The following PIK3C2B variants were observed in gnomAD, a reference collection of about 807,000 sequenced individuals.
PIK3C2B encodes the protein phosphatidylinositol 4-phosphate 3-kinase C2 domain-containing subunit beta.
PIK3C2B carries 83 observed loss-of-function variants against 184.3 expected under a neutral mutation model. That is an observed-to-expected ratio of 0.45 (90% CI 0.38 to 0.54). The LOEUF is 0.54. Ranked by LOEUF, PIK3C2B falls within the 20% of genes least tolerant of loss-of-function variation. The pLI, the probability that PIK3C2B is intolerant of heterozygous loss-of-function variation, is 0.00. For missense variants in PIK3C2B, 1,736 were observed against 2,113.5 expected (o/e 0.82, Z 3.50); for synonymous variants, 779 against 837.6 (o/e 0.93, Z 1.21).
At chr1:204,464,396 A>AT in intron 4 of PIK3C2B, 54 bp downstream of exon 4, 1 of 1,539,794 alleles carries the variant, frequency 6.5e-7, no homozygotes, top group Non-Finnish European at 8.9e-7. Context: ...AAACACAGTC[A>AT]TCCCCACCCC....
intron 1 of PIK3C2B, among the ~76,000 whole-genome samples, chr1:204,474,362 G>A (rs1656549721): frequency 6.6e-6 from 1 of 152,050 alleles, no homozygotes; most frequent in Admixed American, 6.5e-5. Flanking sequence ...GACTACACCT[G>A]ATGTTTCCAA....
intron 23 of PIK3C2B, among the ~76,000 whole-genome samples, chr1:204,436,734 CAT>C (rs1469265963): frequency 6.6e-6 from 1 of 152,134 alleles, no homozygotes; most frequent in Non-Finnish European, 1.5e-5. Flanking sequence ...TACATTTACA[CAT>C]ATATGACTAT....
In PIK3C2B at chr1:204,424,894, G is replaced by A. The variant is rs114464486; in HGVS notation, c.4863C>T (p.Thr1621=). 2.6e-4 allele frequency: 420 copies of A among 1,614,172 alleles called. 1 individual carries two copies. In the African/African-American group the frequency reaches 4.7e-3, roughly 18 times the overall value. The change falls in exon 33 of 33, where the codon ACC becomes ACT. Residue 1621 remains threonine, a synonymous_variant. Transcript: ENST00000684373. ...LRELDLAQEK[T]GWFALGSRSH... ...TTCGAGATCCCAGGGCGAACCAGCC[G>A]GTCTTCTCCTGAGCCAGGTCCAGCT...
rs1328394639 is a variant in PIK3C2B, at chr1:204,465,209, T to C, written c.1034+10A>G. On this transcript the variant is annotated intron_variant, in intron 3 of 32. Transcript: ENST00000684373. ...CCCTCCCAAATCCCACCCCATTCTT[T>C]AACTCTTACATATCCAGCATGTGGC... The C allele has an allele frequency of 2.0e-6, 3 of 1,483,764 alleles. No individual in the cohort carries two copies. Among genetic ancestry groups the C allele is most frequent in the South Asian group, 1.1e-5 (1 of 88,098 alleles). The allele number at this position is 1,483,764 out of a possible 1,614,324, so 91.9% of individuals were successfully genotyped here. A position where few individuals can be genotyped will look rare whatever the true frequency, so the allele number is the denominator to read the frequency against.
intron 1 of PIK3C2B, among the ~76,000 whole-genome samples, chr1:204,476,051 G>T (rs1203104045): frequency 6.6e-6 from 1 of 152,206 alleles, no homozygotes; most frequent in African/African-American, 2.4e-5. Flanking sequence ...CGAAGGTTCA[G>T]AGAGCAGCAG....
rs985507933 is a variant in PIK3C2B, at chr1:204,426,371, G to C, written c.4588-630C>G. ...CCTTGCTGTTTCTGACGCACCCCTG[G>C]CAGGCTCCTGGCTCTGGGCTGTCAG... On this transcript the variant is annotated intron_variant, in intron 31 of 32. Coordinates refer to ENST00000684373, the MANE Select transcript of PIK3C2B (RefSeq NM_001377334.1). Among the ~76,000 whole-genome samples, 7 of 152,196 alleles carry C rather than the reference G, an allele frequency of 4.6e-5. No individual in the cohort carries two copies. The East Asian group carries it at 1.3e-3, about 29-fold the overall frequency.
intron 1 of PIK3C2B, among the ~76,000 whole-genome samples, chr1:204,492,011 C>T (rs1161732403): frequency 6.6e-6 from 1 of 152,152 alleles, no homozygotes; most frequent in Non-Finnish European, 1.5e-5. Flanking sequence ...CAGCAGTTAC[C>T]TTGGTATTGT....
intron 1 of PIK3C2B, among the ~76,000 whole-genome samples, chr1:204,490,617 T>A (rs1209572263): frequency 6.6e-6 from 1 of 152,032 alleles, no homozygotes. Context: ...TGATACTCTA[T>A]GTGATCTTAC....
At chr1:204,442,091 T>A (rs569513345) in intron 20 of PIK3C2B, among the ~76,000 whole-genome samples, 78 of 152,066 alleles carry the variant, frequency 5.1e-4, no homozygotes, top group African/African-American at 1.8e-3. Context: ...CCAACCCAAT[T>A]CCTCTACCCT....
At chr1:204,429,205 A>G (rs921193710) in intron 29 of PIK3C2B, among the ~76,000 whole-genome samples, 7 of 152,310 alleles carry the variant, frequency 4.6e-5, no homozygotes, top group Admixed American at 4.6e-4. Flanking sequence ...TCCAGACTGA[A>G]TGACAGGGCA....
In PIK3C2B at chr1:204,443,942, C is replaced by T. The variant is rs1653614856; in HGVS notation, c.2867+126G>A. On this transcript the variant is annotated intron_variant, in intron 18 of 32. Coordinates refer to ENST00000684373, the MANE Select transcript of PIK3C2B (RefSeq NM_001377334.1). ...TGAGGAAAAGATGCTGGTCCAAGGCCACAGGGTAAGTCAGCACATACTGAA... is the reference window on the plus strand; with the variant it reads ...TGAGGAAAAGATGCTGGTCCAAGGCTACAGGGTAAGTCAGCACATACTGAA... 1.3e-5 allele frequency: 9 copies of T among 718,756 alleles called. No homozygotes were observed. In the South Asian group the frequency reaches 1.4e-4, roughly 12 times the overall value. 44.5% of individuals were successfully genotyped at this position (718,756 alleles called of 1,614,324 possible).
In PIK3C2B at chr1:204,424,728, C is replaced by T; in HGVS notation, c.*124G>A. 1 of 929,066 alleles carries T rather than the reference C, an allele frequency of 1.1e-6. No individual in the cohort carries two copies. The highest frequency in any genetic ancestry group is 2.4e-5 in the East Asian group (1 of 41,878). The allele number at this position is 929,066 out of a possible 1,614,324, so 57.6% of individuals were successfully genotyped here. A position where few individuals can be genotyped will look rare whatever the true frequency, so the allele number is the denominator to read the frequency against. On this transcript the variant is annotated 3_prime_UTR_variant, in exon 33 of 33. Transcript: ENST00000684373. ...CCTCCTACCACAGAGGCCAGAATCA[C>T]CTGGACCGAGCTGGAGGCCTGCCCA...
chr1:204,458,714 G>A lies in PIK3C2B; in HGVS notation c.1567-840C>T, dbSNP rs908338169. ...TCACCATGTTGGCCAGGCTGGTCTC[G>A]AACTCCTGACCTCAGGTGACCCGCC... On this transcript the variant is annotated intron_variant, in intron 8 of 32. Transcript: ENST00000684373. 2.6e-5 allele frequency among the ~76,000 whole-genome samples: 4 copies of A among 151,934 alleles called. No individual in the cohort carries two copies. In the East Asian group the frequency reaches 5.8e-4, roughly 22 times the overall value.
chr1:204,454,164 A>C (rs1361383423), intron 12 of PIK3C2B, among the ~76,000 whole-genome samples: 1 of 152,000 alleles, frequency 6.6e-6, no homozygotes, highest in African/African-American at 2.4e-5. Flanking sequence ...GAGAAGTGGT[A>C]ATTATACTTG....
At position 204,469,838 on chromosome 1, in the gene PIK3C2B, C is replaced by A. The variant is rs769549920; in HGVS notation, c.-36G>T. 9 of 1,464,120 alleles carry A rather than the reference C, an allele frequency of 6.1e-6. No individual in the cohort carries two copies. Among genetic ancestry groups the A allele is most frequent in the East Asian group, 2.3e-5 (1 of 44,122 alleles). The allele number at this position is 1,464,120 out of a possible 1,614,324, so 90.7% of individuals were successfully genotyped here. On this transcript the variant is annotated 5_prime_UTR_variant, in exon 2 of 33. Transcript: ENST00000684373. ...GGGGACACAGGCAACAAAGTCTCTA[C>A]TTCCTGCCAACGTCAGTTCTGGAGG...
chr1:204,488,419 T>C (rs1265499946), intron 1 of PIK3C2B, among the ~76,000 whole-genome samples: 1 of 152,252 alleles, frequency 6.6e-6, no homozygotes, highest in Non-Finnish European at 1.5e-5. Flanking sequence ...ATTCCCTATC[T>C]ATCAGTATAG....
At chr1:204,489,326 C>G (rs1419576509) in intron 1 of PIK3C2B, among the ~76,000 whole-genome samples, 2 of 151,970 alleles carry the variant, frequency 1.3e-5, no homozygotes, top group Non-Finnish European at 2.9e-5. Context: ...CGCCATCACA[C>G]CCTAATTGTT....
intron 12 of PIK3C2B, 131 bp downstream of exon 12, chr1:204,454,538 T>C (rs1200382006): frequency 1.2e-5 from 10 of 864,792 alleles, no homozygotes; most frequent in Admixed American, 2.5e-5. Context: ...TTGAATGACT[T>C]GTCCAGTTAG....
chr1:204,431,327 T>A, intron 28 of PIK3C2B: 2 of 290,288 alleles, frequency 6.9e-6, no homozygotes, highest in Non-Finnish European at 1.4e-5. Flanking sequence ...TCTCCCTCCA[T>A]TTTAAATGCT....
Sources: allele counts gnomAD v4.1 joint callset (sites outside exome capture counted in the v4.1 genomes callset), GRCh38; gene constraint gnomAD v4.1.1; transcripts MANE v1.5; gene names NCBI Gene and HGNC (gene_info 2026-07-23, HGNC 2026-07-21).